The following MCF2L2 variants were observed in gnomAD, a reference collection of about 807,000 sequenced individuals.
MCF2L2 encodes MCF.2 cell line derived transforming sequence-like 2.
A neutral mutation model predicts 150.2 loss-of-function variants in MCF2L2; 102 were observed. That is an observed-to-expected ratio of 0.68 (90% CI 0.58 to 0.80). MCF2L2 has a LOEUF of 0.80. Among genes scored for constraint, MCF2L2 ranks in the 30% least tolerant of loss-of-function variants. The pLI is 0.00. For missense variants in MCF2L2, 1,256 were observed against 1,372.8 expected, an observed-to-expected ratio of 0.91 and a Z score of 1.34; for synonymous variants, 465 against 491.3, an observed-to-expected ratio of 0.95 and a Z score of 0.71.
chr3:183,389,978 C>T (rs755624866), intron 1 of MCF2L2, among the ~76,000 whole-genome samples, 199 bp from the exon 2 acceptor site: 1 of 152,176 alleles, frequency 6.6e-6, no homozygotes. Context: ...GCTTATGCAT[C>T]TGAGCGTGGA....
intron 1 of MCF2L2, among the ~76,000 whole-genome samples, chr3:183,416,745 A>G (rs1197028323): frequency 6.6e-6 from 1 of 152,152 alleles, no homozygotes; most frequent in Non-Finnish European, 1.5e-5. Flanking sequence ...ACAATAAAAA[A>G]ATACAAATTC....
chr3:183,337,568 A>AAAG (rs1166664574), intron 5 of MCF2L2, among the ~76,000 whole-genome samples: 1,679 of 151,028 alleles, frequency 0.011, 14 homozygotes, highest in Non-Finnish European at 0.019. Context: ...AAAAAAAAAA[A>AAAG]AAGAAGAAAA....
At chr3:183,247,972 T>C (rs932470133) in intron 15 of MCF2L2, among the ~76,000 whole-genome samples, 1 of 152,128 alleles carries the variant, frequency 6.6e-6, no homozygotes, top group Non-Finnish European at 1.5e-5. Flanking sequence ...TTCCCAAAGA[T>C]AAAAAGCATG....
At chr3:183,361,695 G>A (rs1712216581) in intron 3 of MCF2L2, among the ~76,000 whole-genome samples, 1 of 152,192 alleles carries the variant, frequency 6.6e-6, no homozygotes, top group African/African-American at 2.4e-5. Flanking sequence ...ATAGCAGTGT[G>A]AGAACGGACA....
chr3:183,272,836 AT>A, intron 15 of MCF2L2: 1 of 1,240,554 alleles, frequency 8.1e-7, no homozygotes, highest in Non-Finnish European at 1.0e-6. Flanking sequence ...GGTTGAAAAC[AT>A]AAGTGTCTCT....
intron 15 of MCF2L2, among the ~76,000 whole-genome samples, chr3:183,266,717 G>C (rs1726165089): frequency 6.6e-6 from 1 of 151,950 alleles, no homozygotes; most frequent in Admixed American, 6.5e-5. Flanking sequence ...AGAGCATTCA[G>C]TCCAGAAATG....
chr3:183,200,478 T>C (rs1440394483), intron 25 of MCF2L2, among the ~76,000 whole-genome samples: 3 of 152,236 alleles, frequency 2.0e-5, no homozygotes, highest in African/African-American at 7.2e-5. Flanking sequence ...GGGTTGATTT[T>C]TTTCTTGTAA....
chr3:183,336,864 A>ATAT (rs1374756288), intron 5 of MCF2L2, among the ~76,000 whole-genome samples: 3 of 139,458 alleles, frequency 2.2e-5, no homozygotes, highest in Admixed American at 6.9e-5. Flanking sequence ...TCAAAAAAAA[A>ATAT]ATATATATAT....
chr3:183,259,638 A>G (rs1725404289), intron 15 of MCF2L2, among the ~76,000 whole-genome samples: 1 of 151,974 alleles, frequency 6.6e-6, no homozygotes, highest in African/African-American at 2.4e-5. Context: ...ATTTTACCCA[A>G]TACTTGCTTA....
At chr3:183,264,735 G>C (rs1212905456) in intron 15 of MCF2L2, among the ~76,000 whole-genome samples, 4 of 152,192 alleles carry the variant, frequency 2.6e-5, no homozygotes, top group African/African-American at 7.2e-5. Context: ...GCAGGGGTAA[G>C]GTTTACAACA....
At chr3:183,309,673 C>G (rs973837543) in intron 10 of MCF2L2, 43 bp downstream of exon 10, 2 of 1,613,492 alleles carry the variant, frequency 1.2e-6, no homozygotes, top group African/African-American at 1.3e-5. Flanking sequence ...TCATTGTCCA[C>G]AGCAACCTCC....
intron 25 of MCF2L2, among the ~76,000 whole-genome samples, chr3:183,204,737 A>G (rs1179802627): frequency 6.6e-6 from 1 of 152,204 alleles, no homozygotes; most frequent in Non-Finnish European, 1.5e-5. Flanking sequence ...CAGTATCCAA[A>G]AAGGGGAAAA....
chr3:183,380,386 T>C (rs1254219392), intron 2 of MCF2L2, among the ~76,000 whole-genome samples: 1 of 152,164 alleles, frequency 6.6e-6, no homozygotes, highest in Admixed American at 6.5e-5. Context: ...TATGAACTAC[T>C]TGAGGTAGTT....
chr3:183,195,609 T>C (rs1490707735), intron 25 of MCF2L2, among the ~76,000 whole-genome samples: 1 of 152,132 alleles, frequency 6.6e-6, no homozygotes, highest in Non-Finnish European at 1.5e-5. Context: ...TTATGTGACT[T>C]GATGAGGGAA....
intron 14 of MCF2L2, among the ~76,000 whole-genome samples, chr3:183,279,640 C>T (rs528175783): frequency 8.5e-5 from 13 of 152,122 alleles, no homozygotes; most frequent in East Asian, 1.9e-4. Flanking sequence ...GCCAATCAGG[C>T]GGAACAGCCC....
intron 5 of MCF2L2, among the ~76,000 whole-genome samples, chr3:183,335,971 G>A (rs776187197): frequency 1.2e-4 from 19 of 152,146 alleles, no homozygotes; most frequent in Non-Finnish European, 1.9e-4. Context: ...TCCCAAGGAG[G>A]GAGCAACAGC....
intron 13 of MCF2L2, 146 bp downstream of exon 13, chr3:183,295,154 T>C: frequency 1.3e-6 from 1 of 747,076 alleles, no homozygotes; most frequent in Non-Finnish European, 2.1e-6. Context: ...ATGTCTTCCA[T>C]GTCTGCACTA....
chr3:183,350,186 G>A (rs1207424109), intron 3 of MCF2L2, among the ~76,000 whole-genome samples: 1 of 152,144 alleles, frequency 6.6e-6, no homozygotes, highest in Non-Finnish European at 1.5e-5. Context: ...TGTGTCTCCT[G>A]ACATAATTGT....
chr3:183,382,310 C>T (rs1158738527), intron 2 of MCF2L2, among the ~76,000 whole-genome samples: 4 of 152,138 alleles, frequency 2.6e-5, no homozygotes, highest in Non-Finnish European at 1.5e-5. Flanking sequence ...CCGTCTGCCT[C>T]GGCCTCCCTA....
Sources: gnomAD v4.1 joint callset for allele counts (sites outside exome capture counted in the v4.1 genomes callset) on GRCh38, gnomAD v4.1.1 for gene constraint, MANE v1.5 for transcripts, NCBI Gene and HGNC (gene_info 2026-07-23, HGNC 2026-07-21) for gene names.